The following CFAP299 variants were observed in gnomAD, a reference collection of about 807,000 sequenced individuals.
The protein encoded by CFAP299 is cilia- and flagella-associated protein 299.
Under a neutral mutation model 27.0 loss-of-function variants are expected in CFAP299, and 21 were observed. That is an observed-to-expected ratio of 0.78 (90% CI 0.55 to 1.12). The LOEUF is 1.12. CFAP299 is among the 50% of genes most tolerant of loss of function. CFAP299 has a pLI of 0.00. For synonymous variants in CFAP299, 104 were observed against 98.1 expected, an observed-to-expected ratio of 1.06 and a Z score of -0.36; for missense variants, 310 against 276.6, an observed-to-expected ratio of 1.12 and a Z score of -0.86.
chr4:80,861,183 C>T (rs1186272816), intron 3 of CFAP299, among the ~76,000 whole-genome samples: 5 of 152,202 alleles, frequency 3.3e-5, no homozygotes, highest in African/African-American at 7.2e-5. Context: ...TAGCAATCAG[C>T]GAGACTCCGT....
chr4:80,358,351 C>T (rs2125235), intron 1 of CFAP299, among the ~76,000 whole-genome samples: 128,707 of 152,070 alleles, frequency 0.85, 54,637 homozygotes, highest in African/African-American at 0.91. Context: ...ATCAGTTCCA[C>T]TTGATTTAAT....
Position 80,910,915 on chromosome 4 carries a change from C to T in CFAP299, c.477-33895C>T, listed in dbSNP as rs180861874. Among the ~76,000 whole-genome samples, 225 of 152,170 alleles carry T rather than the reference C, an allele frequency of 1.5e-3. 2 individuals carry two copies. Among genetic ancestry groups the T allele is most frequent in the East Asian group, 3.9e-4 (2 of 5,178 alleles). ...GATTTTTGCTTTCCTCTGCAGTTCT[C>T]AGTATACACTATTGGAAATGCTTCC... is the stretch of plus-strand genomic sequence containing the variant. On this transcript the variant is annotated intron_variant, in intron 4 of 5. Coordinates refer to ENST00000358105, the MANE Select transcript of CFAP299 (RefSeq NM_152770.3).
At chr4:80,447,339 T>G (rs1284949327) in intron 2 of CFAP299, among the ~76,000 whole-genome samples, 1 of 150,722 alleles carries the variant, frequency 6.6e-6, no homozygotes, top group East Asian at 2.0e-4. Flanking sequence ...GTTTCACCGT[T>G]TTAGCCGGGA....
intron 1 of CFAP299, among the ~76,000 whole-genome samples, chr4:80,343,749 A>G (rs1722584581): frequency 7.1e-6 from 1 of 140,322 alleles, no homozygotes; most frequent in Non-Finnish European, 1.5e-5. Context: ...AGATTGCGCC[A>G]CTGCAGTCCG....
Position 80,549,244 on chromosome 4 carries a change from A to T in CFAP299, c.243-33849A>T, listed in dbSNP as rs143904162. Among the ~76,000 whole-genome samples, 456 of 152,250 alleles carry T rather than the reference A, an allele frequency of 3.0e-3. 3 individuals carry two copies. Among genetic ancestry groups the T allele is most frequent in the African/African-American group, 0.011 (439 of 41,552 alleles). ...AAAATTGATTGGAGAGTAAATTTGG[A>T]GACACTCGCTAAGATGCTATTATAA... On this transcript the variant is annotated intron_variant, in intron 2 of 5. Coordinates refer to ENST00000358105, the MANE Select transcript of CFAP299 (RefSeq NM_152770.3).
chr4:80,642,375 T>C (rs1739769942), intron 3 of CFAP299, among the ~76,000 whole-genome samples: 1 of 152,226 alleles, frequency 6.6e-6, no homozygotes, highest in Non-Finnish European at 1.5e-5. Context: ...TGTGAGAGAA[T>C]ATAATTAATT....
At chr4:80,518,795 G>A (rs1732724074) in intron 2 of CFAP299, among the ~76,000 whole-genome samples, 1 of 152,148 alleles carries the variant, frequency 6.6e-6, no homozygotes, top group African/African-American at 2.4e-5. Flanking sequence ...AAGTTGCTTA[G>A]AATTAGCAAT....
intron 2 of CFAP299, among the ~76,000 whole-genome samples, chr4:80,561,988 C>T (rs1204929381): frequency 6.6e-6 from 1 of 151,966 alleles, no homozygotes; most frequent in African/African-American, 2.4e-5. Flanking sequence ...ATAAAAACAA[C>T]AAAATACTAA....
At chr4:80,560,559 G>T (rs752332874) in intron 2 of CFAP299, among the ~76,000 whole-genome samples, 2 of 151,926 alleles carry the variant, frequency 1.3e-5, no homozygotes, top group Admixed American at 1.3e-4. Flanking sequence ...TTCTGAACCT[G>T]CCCTAGGCCA....
intron 3 of CFAP299, among the ~76,000 whole-genome samples, chr4:80,644,770 A>G (rs1739904981): frequency 6.6e-6 from 1 of 152,162 alleles, no homozygotes; most frequent in Admixed American, 6.6e-5. Flanking sequence ...GAATTGTCCC[A>G]TGTGTGACTC....
chr4:80,386,764 C>A, intron 2 of CFAP299: 1 of 1,404,522 alleles, frequency 7.1e-7, no homozygotes, highest in African/African-American at 1.4e-5. Flanking sequence ...GCTTGTCCGG[C>A]CGGTTGAACA....
chr4:80,817,979 C>A (rs1729511246), intron 3 of CFAP299, among the ~76,000 whole-genome samples: 1 of 152,052 alleles, frequency 6.6e-6, no homozygotes, highest in Admixed American at 6.6e-5. Flanking sequence ...GCTATTTTTC[C>A]TGCTGCTCTC....
At chr4:80,670,828 A>T (rs957653632) in intron 3 of CFAP299, among the ~76,000 whole-genome samples, 5 of 152,008 alleles carry the variant, frequency 3.3e-5, no homozygotes, top group African/African-American at 1.2e-4. Context: ...CCACTTTTTG[A>T]TGCAGTTGTT....
chr4:80,737,634 TC>T (rs1411541322), intron 3 of CFAP299, among the ~76,000 whole-genome samples: 1 of 152,148 alleles, frequency 6.6e-6, no homozygotes, highest in African/African-American at 2.4e-5. Flanking sequence ...TTGTAATGTC[TC>T]CTTTTTCATT....
chr4:80,939,267 T>G (rs1737073884), intron 4 of CFAP299, among the ~76,000 whole-genome samples: 2 of 152,182 alleles, frequency 1.3e-5, no homozygotes, highest in African/African-American at 4.8e-5. Flanking sequence ...CTATTTTATT[T>G]TCTTTTTCTC....
At chr4:80,898,632 T>A (rs2110192997) in intron 4 of CFAP299, among the ~76,000 whole-genome samples, 1 of 152,070 alleles carries the variant, frequency 6.6e-6, no homozygotes, top group South Asian at 2.1e-4. Flanking sequence ...TTTTCCTGTC[T>A]CCTGTTGCTA....
chr4:80,709,503 C>A, intron 3 of CFAP299, among the ~76,000 whole-genome samples: 1 of 152,150 alleles, frequency 6.6e-6, no homozygotes, highest in Non-Finnish European at 1.5e-5. Context: ...TAAGTTTGAG[C>A]TGCTGTATCA....
chr4:80,552,026 G>T (rs1023666178), intron 2 of CFAP299, among the ~76,000 whole-genome samples: 4 of 152,196 alleles, frequency 2.6e-5, no homozygotes, highest in African/African-American at 9.7e-5. Context: ...TGGGATTACA[G>T]GCGTGAGCCA....
At chr4:80,519,820 G>A (rs1732812692) in intron 2 of CFAP299, among the ~76,000 whole-genome samples, 1 of 151,950 alleles carries the variant, frequency 6.6e-6, no homozygotes, top group Non-Finnish European at 1.5e-5. Flanking sequence ...TTAAACCTTG[G>A]GTACATAAAT....
Sources: gnomAD v4.1 joint callset for allele counts (sites outside exome capture counted in the v4.1 genomes callset) on GRCh38, gnomAD v4.1.1 for gene constraint, MANE v1.5 for transcripts, NCBI Gene and HGNC (gene_info 2026-07-23, HGNC 2026-07-21) for gene names.